NKAIN2: variants seen among roughly 807,000 people sequenced by gnomAD.
NKAIN2 encodes the protein sodium/potassium transporting ATPase interacting 2.
Under a neutral mutation model 32.6 loss-of-function variants are expected in NKAIN2, and 14 were observed. That is an observed-to-expected ratio of 0.43 (90% CI 0.28 to 0.67). The LOEUF is 0.67. Among genes scored for constraint, NKAIN2 ranks in the 30% least tolerant of loss-of-function variants. The pLI is 0.17. For missense variants in NKAIN2, 198 were observed against 258.3 expected (o/e 0.77, Z 1.60); for synonymous variants, 80 against 87.2 (o/e 0.92, Z 0.46).
At chr6:124,584,051 C>G (rs1781619571) in intron 3 of NKAIN2, among the ~76,000 whole-genome samples, 1 of 152,064 alleles carries the variant, frequency 6.6e-6, no homozygotes, top group Non-Finnish European at 1.5e-5. Flanking sequence ...TAAAATAAAA[C>G]ATTGAGGAAA....
chr6:124,684,679 G>GTCTT (rs1192572138), intron 4 of NKAIN2, among the ~76,000 whole-genome samples: 28 of 152,092 alleles, frequency 1.8e-4, no homozygotes. Flanking sequence ...CTGACACAGA[G>GTCTT]TCTTTACACA....
chr6:124,549,332 C>T (rs771463078), intron 3 of NKAIN2, among the ~76,000 whole-genome samples: 21 of 152,156 alleles, frequency 1.4e-4, no homozygotes, highest in Admixed American at 9.8e-4. Context: ...TGTACCACTG[C>T]ACTCCAGCCT....
intron 3 of NKAIN2, among the ~76,000 whole-genome samples, chr6:124,368,108 G>T (rs1218056792): frequency 6.6e-6 from 1 of 151,924 alleles, no homozygotes; most frequent in Non-Finnish European, 1.5e-5. Flanking sequence ...CTCCAAGGTG[G>T]ATCTGACTCC....
At chr6:124,064,911 T>G (rs1267068841) in intron 1 of NKAIN2, among the ~76,000 whole-genome samples, 1 of 152,158 alleles carries the variant, frequency 6.6e-6, no homozygotes, top group Non-Finnish European at 1.5e-5. Context: ...TCTGCCTGGT[T>G]TCAACCAATT....
intron 4 of NKAIN2, among the ~76,000 whole-genome samples, chr6:124,678,035 T>C (rs1472536960): frequency 1.3e-5 from 2 of 152,120 alleles, no homozygotes; most frequent in East Asian, 3.9e-4. Flanking sequence ...GAATATATTA[T>C]CCCACTCCCT....
intron 3 of NKAIN2, among the ~76,000 whole-genome samples, chr6:124,387,013 C>T (rs1772928355): frequency 6.6e-6 from 1 of 152,072 alleles, no homozygotes; most frequent in Non-Finnish European, 1.5e-5. Flanking sequence ...CTTCTTAGTG[C>T]CTCAGAGTAG....
intron 3 of NKAIN2, among the ~76,000 whole-genome samples, chr6:124,383,239 C>A (rs1772726225): frequency 1.3e-5 from 2 of 152,250 alleles, no homozygotes; most frequent in Admixed American, 1.3e-4. Context: ...TGCTGGCTGA[C>A]ATCAATTATC....
At chr6:124,730,871 AC>A (rs1732609647) in intron 4 of NKAIN2, among the ~76,000 whole-genome samples, 3 of 143,358 alleles carry the variant, frequency 2.1e-5, no homozygotes, top group Non-Finnish European at 4.6e-5. Context: ...CAAGAAAAAA[AC>A]AAACAACCCC....
chr6:124,541,789 C>A lies in NKAIN2; in HGVS notation c.274-116397C>A, dbSNP rs369532097. ...CATCCGTCTCCTTGGAGACATCCATCAGAGACTTGTGTTAACATCTTTCAA... is the reference window on the plus strand; with the variant it reads ...CATCCGTCTCCTTGGAGACATCCATAAGAGACTTGTGTTAACATCTTTCAA... On this transcript the variant is annotated intron_variant, in intron 3 of 6. Coordinates refer to ENST00000368417, the MANE Select transcript of NKAIN2 (RefSeq NM_001040214.3). 5.3e-5 allele frequency among the ~76,000 whole-genome samples: 8 copies of A among 152,272 alleles called. No individual in the cohort carries two copies. In the East Asian group the frequency reaches 1.3e-3, roughly 26 times the overall value.
At chr6:124,451,837 T>G (rs192156743) in intron 3 of NKAIN2, among the ~76,000 whole-genome samples, 1 of 152,242 alleles carries the variant, frequency 6.6e-6, no homozygotes, top group Non-Finnish European at 1.5e-5. Context: ...GGGTTTCTTA[T>G]ACTGAATTTT....
chr6:123,854,563 A>G (rs1775484736), intron 1 of NKAIN2, among the ~76,000 whole-genome samples: 1 of 152,192 alleles, frequency 6.6e-6, no homozygotes, highest in South Asian at 2.1e-4. Context: ...GTACTTTTAT[A>G]TGCCAGGTGC....
chr6:124,766,737 A>ACT (rs567207316), intron 4 of NKAIN2, among the ~76,000 whole-genome samples: 39 of 152,220 alleles, frequency 2.6e-4, no homozygotes, highest in South Asian at 6.2e-4. Flanking sequence ...CTTTTCCTAA[A>ACT]CTCTCTCTCT....
intron 2 of NKAIN2, among the ~76,000 whole-genome samples, chr6:124,348,926 CG>C (rs1798580471): frequency 6.6e-6 from 1 of 152,152 alleles, no homozygotes; most frequent in Non-Finnish European, 1.5e-5. Flanking sequence ...GCTTAAAAAA[CG>C]GTGCACCAGG....
intron 1 of NKAIN2, among the ~76,000 whole-genome samples, chr6:123,912,390 T>A (rs530970045): frequency 2.2e-4 from 34 of 152,286 alleles, no homozygotes; most frequent in African/African-American, 7.0e-4. Context: ...AGCATTTAAA[T>A]CTGAGTCCAT....
chr6:124,746,877 C>A (rs1005564459), intron 4 of NKAIN2, among the ~76,000 whole-genome samples: 1 of 151,840 alleles, frequency 6.6e-6, no homozygotes, highest in Non-Finnish European at 1.5e-5. Context: ...TGAACTAGAT[C>A]ACCTCCTAAG....
At chr6:124,164,510 G>A (rs573353799) in intron 1 of NKAIN2, among the ~76,000 whole-genome samples, 15 of 152,176 alleles carry the variant, frequency 9.9e-5, no homozygotes, top group African/African-American at 3.6e-4. Context: ...GTACCATGGG[G>A]AAATCAGCGT....
intron 3 of NKAIN2, among the ~76,000 whole-genome samples, chr6:124,477,125 T>C (rs185599727): frequency 1.3e-5 from 2 of 152,302 alleles, no homozygotes; most frequent in Admixed American, 6.5e-5. Flanking sequence ...GCATCTCTTA[T>C]AAAGCTTTTT....
chr6:123,821,222 A>G (rs1157331289), intron 1 of NKAIN2, among the ~76,000 whole-genome samples: 1 of 152,238 alleles, frequency 6.6e-6, no homozygotes, highest in African/African-American at 2.4e-5. Flanking sequence ...CTGGATATTT[A>G]CATCATTTTT....
chr6:124,715,223 G>A (rs900377061), intron 4 of NKAIN2, among the ~76,000 whole-genome samples: 1 of 152,118 alleles, frequency 6.6e-6, no homozygotes, highest in Non-Finnish European at 1.5e-5. Flanking sequence ...ATCAGCTATG[G>A]AATCTCCCTT....
Sources: allele counts gnomAD v4.1 joint callset (sites outside exome capture counted in the v4.1 genomes callset), GRCh38; gene constraint gnomAD v4.1.1; transcripts MANE v1.5; gene names NCBI Gene and HGNC (gene_info 2026-07-23, HGNC 2026-07-21).